FOCAD: variants seen among roughly 807,000 people sequenced by gnomAD.
The protein encoded by FOCAD is KIAA1797.
FOCAD carries 198 observed loss-of-function variants against 225.6 expected under a neutral mutation model. The observed-to-expected ratio is 0.88, with a 90% CI of 0.78 to 0.99. The LOEUF is 0.99. FOCAD is among the 50% of genes least tolerant of loss of function. FOCAD has a pLI of 0.00. For synonymous variants in FOCAD, 897 were observed against 755.0 expected, an observed-to-expected ratio of 1.19 and a Z score of -3.08; for missense variants, 2,713 against 2,123.6, an observed-to-expected ratio of 1.28 and a Z score of -5.46.
At chr9:20,790,089 C>G (rs556403767) in intron 11 of FOCAD, among the ~76,000 whole-genome samples, 17 of 152,108 alleles carry the variant, frequency 1.1e-4, no homozygotes, top group Admixed American at 1.0e-3. Flanking sequence ...AATATTGACT[C>G]TTTGCTATAT....
In FOCAD at chr9:20,882,058, T is replaced by TTTTG; in HGVS notation, c.2503+2_2503+3insTTTG. The stretch of plus-strand genomic sequence containing the variant: ...CAGGACTGAAACCTGGCCTTGCAGG[T>TTTTG]AAGGGTAGTACATAGTATCAAAAAT... On this transcript the variant is annotated splice_region_variant and intron_variant, in intron 20 of 43. Transcript: ENST00000338382. 6.2e-7 allele frequency: 1 copy of TTTTG among 1,612,260 alleles called. No individual in the cohort carries two copies. Among genetic ancestry groups the TTTTG allele is most frequent in the Non-Finnish European group, 8.5e-7 (1 of 1,179,286 alleles).
upstream of FOCAD, among the ~76,000 whole-genome samples, chr9:20,682,923 G>A (rs1007452443): frequency 6.6e-6 from 1 of 152,084 alleles, no homozygotes; most frequent in East Asian, 1.9e-4. Flanking sequence ...CTGCAGGCGC[G>A]CAACCCCACG....
chr9:20,926,279 C>T, intron 25 of FOCAD, 22 bp from the exon 26 acceptor site: 2 of 1,327,190 alleles, frequency 1.5e-6, no homozygotes, highest in Non-Finnish European at 2.2e-6. Context: ...GTAATCATTT[C>T]ATGTTTTTAA....
rs377554568 is a variant in FOCAD at position 20,929,349 on chromosome 9, A to G, written c.3079-9A>G. ...GCTAACCCTGTTTTCTTTCTTTGGC[A>G]TGTCCTAGAAGTCCTATTCTGGTGA... On this transcript the variant is annotated splice_polypyrimidine_tract_variant and intron_variant, in intron 26 of 43. Coordinates refer to ENST00000338382, the MANE Select transcript of FOCAD (RefSeq NM_001375567.1). 382 of 1,610,930 alleles carry G rather than the reference A, an allele frequency of 2.4e-4. 4 individuals are homozygous for G. Among genetic ancestry groups the G allele is most frequent in the Middle Eastern group, 1.7e-3 (10 of 6,040 alleles).
At chr9:20,889,592 G>T (rs1714940217) in intron 21 of FOCAD, among the ~76,000 whole-genome samples, 1 of 152,132 alleles carries the variant, frequency 6.6e-6, no homozygotes. Flanking sequence ...GTTCCATTGA[G>T]ATCTGTAGAT....
At chr9:20,757,977 T>C (rs980744958) in intron 5 of FOCAD, 113 bp from the exon 6 acceptor site, 5 of 513,864 alleles carry the variant, frequency 9.7e-6, no homozygotes, top group African/African-American at 4.0e-5. Flanking sequence ...CAATTATGAA[T>C]CGTGAAAAAA....
intron 5 of FOCAD, among the ~76,000 whole-genome samples, chr9:20,747,564 A>G (rs1280639138): frequency 6.6e-6 from 1 of 152,122 alleles, no homozygotes; most frequent in South Asian, 2.1e-4. Flanking sequence ...CACCCCAAAA[A>G]GAAACCTCAT....
intron 35 of FOCAD, among the ~76,000 whole-genome samples, chr9:20,958,828 C>T (rs189778498): frequency 1.8e-4 from 28 of 152,258 alleles, no homozygotes; most frequent in Non-Finnish European, 3.4e-4. Context: ...CTTAACATAA[C>T]GTCTTGCATT....
At chr9:20,957,774 T>C (rs77340857) in intron 35 of FOCAD, among the ~76,000 whole-genome samples, 8,504 of 136,160 alleles carry the variant, frequency 0.062, 340 homozygotes, top group South Asian at 0.14. Flanking sequence ...CTCCTCTGCC[T>C]CCCAAAGTGG....
intron 12 of FOCAD, 150 bp downstream of exon 12, chr9:20,820,050 G>C: frequency 1.9e-6 from 1 of 518,392 alleles, no homozygotes; most frequent in Non-Finnish European, 3.4e-6. Flanking sequence ...AAAGACAAAA[G>C]TATTTATTAC....
At chr9:20,797,399 A>G (rs1258515119) in intron 11 of FOCAD, among the ~76,000 whole-genome samples, 2 of 152,164 alleles carry the variant, frequency 1.3e-5, no homozygotes, top group African/African-American at 4.8e-5. Flanking sequence ...TCTATAAATT[A>G]CCTTGGGCAG....
At chr9:20,765,727 C>G (rs1233271456) in intron 7 of FOCAD, among the ~76,000 whole-genome samples, 1 of 152,010 alleles carries the variant, frequency 6.6e-6, no homozygotes, top group Non-Finnish European at 1.5e-5. Flanking sequence ...GTCTCTATAA[C>G]TGCATATGAA....
chr9:20,718,826 T>G (rs915886060), intron 3 of FOCAD, among the ~76,000 whole-genome samples: 3 of 152,238 alleles, frequency 2.0e-5, no homozygotes, highest in Admixed American at 1.3e-4. Flanking sequence ...TTACACAGTC[T>G]TACCTGAGGC....
intron 21 of FOCAD, among the ~76,000 whole-genome samples, chr9:20,886,887 C>A (rs532422501): frequency 1.3e-4 from 20 of 152,208 alleles, no homozygotes; most frequent in African/African-American, 4.8e-4. Flanking sequence ...AGCTAATAAT[C>A]GATTTAGATA....
At chr9:20,872,018 A>G (rs887470338) in intron 18 of FOCAD, among the ~76,000 whole-genome samples, 1 of 152,088 alleles carries the variant, frequency 6.6e-6, no homozygotes, top group African/African-American at 2.4e-5. Flanking sequence ...GTCCAGGAGA[A>G]TCAGCTCACC....
intron 27 of FOCAD, 71 bp downstream of exon 27, chr9:20,929,667 A>C (rs941626821): frequency 4.0e-6 from 5 of 1,237,174 alleles, no homozygotes; most frequent in African/African-American, 1.5e-5. Flanking sequence ...ACCCATATGC[A>C]CCTATATATA....
In FOCAD at chr9:20,995,784, T is replaced by C. The variant is rs970604287; in HGVS notation, c.*155T>C. ...GCCACATCACTGACAGCTTGACACA[T>C]GCCTCCTAAGAGAGGAGTGCATTGC... On this transcript the variant is annotated 3_prime_UTR_variant, in exon 44 of 44. Coordinates refer to ENST00000338382, the MANE Select transcript of FOCAD (RefSeq NM_001375567.1). The C allele has an allele frequency of 1.7e-5, 10 of 586,540 alleles. No individual in the cohort carries two copies. Among genetic ancestry groups the C allele is most frequent in the Admixed American group, 1.4e-4 (5 of 34,596 alleles). 36.3% of individuals were successfully genotyped at this position (586,540 alleles called of 1,614,324 possible). A position where few individuals can be genotyped will look rare whatever the true frequency, so the allele number is the denominator to read the frequency against.
At chr9:20,922,289 AC>A (rs1332484913) in intron 24 of FOCAD, among the ~76,000 whole-genome samples, 1 of 152,154 alleles carries the variant, frequency 6.6e-6, no homozygotes, top group African/African-American at 2.4e-5. Flanking sequence ...CCCATTATAA[AC>A]GTTGATGTCT....
intron 43 of FOCAD, among the ~76,000 whole-genome samples, chr9:20,994,719 C>T (rs369600434): frequency 5.9e-5 from 9 of 152,136 alleles, no homozygotes; most frequent in African/African-American, 2.2e-4. Flanking sequence ...CTGTTTGACC[C>T]ATGGAGTTTG....
Sources: gnomAD v4.1 joint callset for allele counts (sites outside exome capture counted in the v4.1 genomes callset) on GRCh38, gnomAD v4.1.1 for gene constraint, MANE v1.5 for transcripts, NCBI Gene and HGNC (gene_info 2026-07-23, HGNC 2026-07-21) for gene names.